AKAP9: variants seen among roughly 807,000 people sequenced by gnomAD.
AKAP9 encodes A-kinase anchoring protein 9, also known as A-kinase anchor protein 9.
AKAP9 carries 311 observed loss-of-function variants against 488.5 expected under a neutral mutation model. The ratio of observed to expected loss-of-function variants is 0.64; its 90% CI spans 0.58 to 0.70. AKAP9 has a LOEUF of 0.70. Among genes scored for constraint, AKAP9 ranks in the 30% least tolerant of loss-of-function variants. The pLI, the probability that AKAP9 is intolerant of heterozygous loss-of-function variation, is 0.00. For missense variants in AKAP9, 4,215 were observed against 4,374.5 expected (o/e 0.96, Z 1.03); for synonymous variants, 1,462 against 1,483.5 (o/e 0.99, Z 0.33).
At chr7:92,095,436 A>G (rs780243198) in intron 40 of AKAP9, among the ~76,000 whole-genome samples, 4 of 152,184 alleles carry the variant, frequency 2.6e-5, no homozygotes, top group African/African-American at 4.8e-5. Context: ...GGGCATGTGA[A>G]TTGGTACACA....
chr7:92,079,608 G>T lies in AKAP9; in HGVS notation c.7475G>T (p.Gly2492Val), dbSNP rs777937911. The T allele has an allele frequency of 1.2e-6, 2 of 1,613,850 alleles. No individual in the cohort carries two copies. The highest frequency in any genetic ancestry group is 1.7e-6 in the Non-Finnish European group (2 of 1,179,968). Reference sequence around the variant, plus strand: ...AAATCTTTTGAAGAAAATGGCAAAGGTTCCATAATTAATTTGGAAACAAGG... The same window carrying T: ...AAATCTTTTGAAGAAAATGGCAAAGTTTCCATAATTAATTTGGAAACAAGG... ...YFKSFEENGK[G>V]SIINLETRLL... Residue 2492 changes from glycine (G) to valine (V), a missense_variant, in exon 31 of 50, where the codon GGT (glycine) becomes GTT (valine). Gly to Val is a moderately radical substitution (Grantham distance 109). Coordinates refer to ENST00000356239, the MANE Select transcript of AKAP9 (RefSeq NM_005751.5).
intron 8 of AKAP9, among the ~76,000 whole-genome samples, chr7:92,010,265 A>G (rs1260971785): frequency 6.6e-6 from 1 of 152,242 alleles, no homozygotes; most frequent in East Asian, 1.9e-4. Context: ...GCTTAGCTAC[A>G]TAGGAATATA....
intron 1 of AKAP9, among the ~76,000 whole-genome samples, chr7:91,962,736 A>T (rs902365906): frequency 6.6e-6 from 1 of 152,194 alleles, no homozygotes; most frequent in Admixed American, 6.5e-5. Flanking sequence ...TCTAAGCACT[A>T]TAATAGAAAA....
intron 22 of AKAP9, chr7:92,058,206 T>C (rs199947519): frequency 6.7e-6 from 4 of 593,554 alleles, no homozygotes; most frequent in African/African-American, 1.8e-5. Context: ...ACTGTCAAAG[T>C]CAGTGGCTCG....
rs150713442 is a variant in AKAP9 at position 92,049,212 on chromosome 7, C to G, written c.5369-3514C>G. Among the ~76,000 whole-genome samples the G allele has an allele frequency of 7.2e-4, 110 of 152,290 alleles. No homozygotes were observed. The East Asian group carries it at 9.8e-3, about 14-fold the overall frequency. ...AGAGGTTCACCAATTTGAAATGATT[C>G]TATTTACCAAACTGGATGTTCTAAG... On this transcript the variant is annotated intron_variant, in intron 21 of 49. Coordinates refer to ENST00000356239, the MANE Select transcript of AKAP9 (RefSeq NM_005751.5).
intron 25 of AKAP9, 111 bp from the exon 26 acceptor site, chr7:92,066,316 A>C: frequency 7.5e-7 from 1 of 1,328,912 alleles, no homozygotes; most frequent in South Asian, 1.2e-5. Flanking sequence ...CATGATCATC[A>C]GTCCTTTGTC....
chr7:91,988,875 G>T (rs998258565), intron 3 of AKAP9, among the ~76,000 whole-genome samples: 3 of 152,112 alleles, frequency 2.0e-5, no homozygotes, highest in African/African-American at 7.2e-5. Flanking sequence ...GTACACATGT[G>T]CCATGTTGGT....
chr7:91,987,801 C>T (rs35963176), intron 3 of AKAP9, among the ~76,000 whole-genome samples: 28,734 of 151,930 alleles, frequency 0.19, 3,473 homozygotes, highest in Non-Finnish European at 0.27. Context: ...ATTTATAACC[C>T]GAGAAATAAA....
chr7:92,106,967 C>A (rs953128299), intron 47 of AKAP9, among the ~76,000 whole-genome samples: 2 of 152,162 alleles, frequency 1.3e-5, no homozygotes, highest in African/African-American at 4.8e-5. Flanking sequence ...TTCCCACAAG[C>A]CACACCCACT....
At chr7:92,032,356 C>T (rs528474792) in intron 16 of AKAP9, among the ~76,000 whole-genome samples, 49 of 152,042 alleles carry the variant, frequency 3.2e-4, no homozygotes, top group Admixed American at 1.0e-3. Context: ...ATTAGCCGGG[C>T]GTGGTGACGC....
Position 92,093,190 on chromosome 7 carries a change from A to C in AKAP9, c.9452A>C (p.Gln3151Pro). 1 of 1,614,228 alleles carries C rather than the reference A, an allele frequency of 6.2e-7. No individual in the cohort carries two copies. The highest frequency in any genetic ancestry group is 8.5e-7 in the Non-Finnish European group (1 of 1,180,030). Reference protein sequence around the residue: ...SSMKDRATELQEQLSSEKMVV... With the variant: ...SSMKDRATELPEQLSSEKMVV... ...ATGAAAGACAGAGCAACGGAACTGC[A>C]GGAGCAGCTGAGTTCTGAGAAAATG... Residue 3151 changes from glutamine (Q) to proline (P), a missense_variant, in exon 39 of 50, where the codon CAG (glutamine) becomes CCG (proline). Transcript: ENST00000356239.
intron 1 of AKAP9, among the ~76,000 whole-genome samples, chr7:91,953,625 A>G (rs181669354): frequency 1.9e-3 from 294 of 152,296 alleles, no homozygotes; most frequent in African/African-American, 6.6e-3. Flanking sequence ...CATTATCATC[A>G]TTATCGTCAT....
At chr7:91,971,560 CTTTTT>C (rs71107844) in intron 1 of AKAP9, among the ~76,000 whole-genome samples, 6 of 68,542 alleles carry the variant, frequency 8.8e-5, no homozygotes, top group African/African-American at 1.2e-4. Flanking sequence ...ACATCTATTT[CTTTTT>C]TTTTTTTTTT....
intron 14 of AKAP9, among the ~76,000 whole-genome samples, chr7:92,027,501 C>T (rs1304101892): frequency 2.7e-5 from 4 of 146,566 alleles, no homozygotes; most frequent in African/African-American, 1.0e-4. Context: ...AGCCCCTCTG[C>T]CCAGCCGCCC....
chr7:92,040,996 T>A, intron 18 of AKAP9, 98 bp downstream of exon 18: 1 of 1,064,212 alleles, frequency 9.4e-7, no homozygotes, highest in Non-Finnish European at 1.4e-6. Context: ...ATTTTTTATG[T>A]AGCCATAATT....
At position 92,062,712 on chromosome 7, in the gene AKAP9, A is replaced by G. The variant is rs146450803; in HGVS notation, c.5977+226A>G. ...CTTAGGCAGATGTTAACAGGAAAAG[A>G]TAGTTCTTCATTTATCCTCAAACTT... On this transcript the variant is annotated intron_variant, in intron 24 of 49. Transcript: ENST00000356239. Among the ~76,000 whole-genome samples, 92 of 152,190 alleles carry G rather than the reference A, an allele frequency of 6.0e-4. 4 individuals carry two copies. In the East Asian group the frequency reaches 0.017, roughly 28 times the overall value.
intron 24 of AKAP9, among the ~76,000 whole-genome samples, chr7:92,064,936 AT>A (rs767985157): frequency 1.0e-3 from 150 of 144,400 alleles, no homozygotes; most frequent in Non-Finnish European, 1.0e-3. Context: ...GTAAAAATAG[AT>A]TTTTTTTTTT....
At chr7:92,034,997 G>A (rs538250613) in intron 16 of AKAP9, among the ~76,000 whole-genome samples, 3 of 151,574 alleles carry the variant, frequency 2.0e-5, no homozygotes, top group Non-Finnish European at 2.9e-5. Context: ...CTTTTTCTGC[G>A]TGCTTTGGAC....
chr7:91,995,516 A>G (rs1173620556), intron 6 of AKAP9, 87 bp from the exon 7 acceptor site: 15 of 1,159,492 alleles, frequency 1.3e-5, no homozygotes, highest in Non-Finnish European at 1.8e-5. Context: ...GTTCCCAGAG[A>G]GCTATTGCAG....
Sources: allele counts gnomAD v4.1 joint callset (sites outside exome capture counted in the v4.1 genomes callset), GRCh38; gene constraint gnomAD v4.1.1; transcripts MANE v1.5; gene names NCBI Gene and HGNC (gene_info 2026-07-23, HGNC 2026-07-21).